The following PLEKHM3 variants were observed in gnomAD, a reference collection of about 807,000 sequenced individuals.
PLEKHM3 encodes pleckstrin homology domain-containing family M member 3.
In PLEKHM3, 45 loss-of-function variants were observed where a neutral mutation model predicts 81.8. That is an observed-to-expected ratio of 0.55 (90% CI 0.43 to 0.71). The LOEUF (loss-of-function observed/expected upper bound fraction) is 0.71. PLEKHM3 is among the 30% of genes least tolerant of loss of function. The pLI, the probability that PLEKHM3 is intolerant of heterozygous loss-of-function variation, is 0.00. For missense variants in PLEKHM3, 788 were observed against 924.3 expected (o/e 0.85, Z 1.91); for synonymous variants, 352 against 356.4 (o/e 0.99, Z 0.14).
intron 5 of PLEKHM3, among the ~76,000 whole-genome samples, chr2:207,924,658 C>T (rs576539576): frequency 6.6e-6 from 1 of 152,220 alleles, no homozygotes; most frequent in African/African-American, 2.4e-5. Flanking sequence ...GCACTCCAAC[C>T]TGGGTGACAG....
chr2:207,943,627 G>C (rs1690016327), intron 4 of PLEKHM3, among the ~76,000 whole-genome samples: 1 of 152,012 alleles, frequency 6.6e-6, no homozygotes, highest in Non-Finnish European at 1.5e-5. Flanking sequence ...CCAGCACTTT[G>C]GGAGGCCGAG....
At chr2:207,889,652 G>T (rs922741932) in intron 6 of PLEKHM3, among the ~76,000 whole-genome samples, 41 of 152,180 alleles carry the variant, frequency 2.7e-4, no homozygotes, top group Non-Finnish European at 5.1e-4. Flanking sequence ...TGGAAGAGGT[G>T]GGGGTGGAAA....
Position 207,931,054 on chromosome 2 carries a change from C to T in PLEKHM3, c.1758G>A (p.Gln586=), listed in dbSNP as rs779836899. ...VYEEPLIDIQ[Q]ENAMLYHHAE... ...CGTGGTGGTACAGCATGGCGTTCTCCTGCTGGATGTCGATGAGCGGCTCTT... is the reference window on the plus strand; with the variant it reads ...CGTGGTGGTACAGCATGGCGTTCTCTTGCTGGATGTCGATGAGCGGCTCTT... The change falls in exon 5 of 8, where the codon CAG becomes CAA. Residue 586 remains glutamine (Q), a synonymous_variant. Transcript: ENST00000427836. The T allele has an allele frequency of 1.2e-6, 2 of 1,614,092 alleles. No homozygotes were observed. The highest frequency in any genetic ancestry group is 1.7e-5 in the Admixed American group (1 of 60,020).
chr2:207,827,982 G>C lies in PLEKHM3; in HGVS notation c.*337C>G. The stretch of plus-strand genomic sequence containing the variant: ...TGTCTTGGGTAATAAAATGTACCGA[G>C]AGACAGAGAGAAAAAAAAAGTCTGA... On this transcript the variant is annotated 3_prime_UTR_variant, in exon 8 of 8. Coordinates refer to ENST00000427836, the MANE Select transcript of PLEKHM3 (RefSeq NM_001080475.3). 6.1e-6 allele frequency: 1 copy of C among 162,802 alleles called. No homozygotes were observed. Among genetic ancestry groups the C allele is most frequent in the African/African-American group, 2.4e-5 (1 of 42,002 alleles). 10.1% of individuals were successfully genotyped at this position (162,802 alleles called of 1,614,324 possible). A position where few individuals can be genotyped will look rare whatever the true frequency, so the allele number is the denominator to read the frequency against.
At chr2:207,834,720 C>T (rs192659791) in intron 7 of PLEKHM3, among the ~76,000 whole-genome samples, 278 of 152,036 alleles carry the variant, frequency 1.8e-3, no homozygotes, top group African/African-American at 6.2e-3. Context: ...CCACCGTGCC[C>T]GGCCTGACTT....
chr2:207,931,082 T>TAC lies in PLEKHM3; in HGVS notation c.1728_1729dup (p.Tyr577CysfsTer33). 1.2e-6 allele frequency: 2 copies of TAC among 1,613,878 alleles called. No individual in the cohort carries two copies. The highest frequency in any genetic ancestry group is 8.5e-7 in the Non-Finnish European group (1 of 1,179,808). ...CTGGATGTCGATGAGCGGCTCTTCG[T>TAC]ACACGTACTCCAGAAACTCCTTGGC... On this transcript the variant is annotated frameshift_variant, in exon 5 of 8. Coordinates refer to ENST00000427836, the MANE Select transcript of PLEKHM3 (RefSeq NM_001080475.3). LOFTEE classifies it high-confidence loss of function.
At chr2:207,894,596 CA>C (rs1340796941) in intron 6 of PLEKHM3, among the ~76,000 whole-genome samples, 3 of 151,898 alleles carry the variant, frequency 2.0e-5, no homozygotes, top group Non-Finnish European at 4.4e-5. Context: ...GTTTTGCTGC[CA>C]GGTGGATTTG....
intron 3 of PLEKHM3, among the ~76,000 whole-genome samples, chr2:207,962,219 G>A (rs988921370): frequency 2.0e-5 from 3 of 152,148 alleles, no homozygotes; most frequent in Non-Finnish European, 4.4e-5. Flanking sequence ...TCCAGGAAGG[G>A]GAAGGAGGCT....
At chr2:207,946,866 C>T (rs572965007) in intron 3 of PLEKHM3, among the ~76,000 whole-genome samples, 2 of 152,300 alleles carry the variant, frequency 1.3e-5, no homozygotes, top group South Asian at 4.1e-4. Context: ...AGGCACTTTG[C>T]TGAAGGCATC....
Position 207,828,187 on chromosome 2 carries a change from T to A in PLEKHM3, c.*132A>T, listed in dbSNP as rs2092263442. 2 of 684,996 alleles carry A rather than the reference T, an allele frequency of 2.9e-6. No individual in the cohort carries two copies. Among genetic ancestry groups the A allele is most frequent in the African/African-American group, 3.7e-5 (2 of 54,500 alleles). 42.4% of individuals were successfully genotyped at this position (684,996 alleles called of 1,614,324 possible). On this transcript the variant is annotated 3_prime_UTR_variant, in exon 8 of 8. Coordinates refer to ENST00000427836, the MANE Select transcript of PLEKHM3 (RefSeq NM_001080475.3). ...AGGTATTTGCGTATATATAAATAAA[T>A]ATATATATCTATATCTAGTTGAAGA...
intron 6 of PLEKHM3, among the ~76,000 whole-genome samples, chr2:207,867,858 A>G (rs1416109759): frequency 6.6e-6 from 1 of 152,156 alleles, no homozygotes; most frequent in Non-Finnish European, 1.5e-5. Context: ...GCCATATTAT[A>G]CAAATACTAG....
chr2:207,884,772 G>A (rs1261884873), intron 6 of PLEKHM3, among the ~76,000 whole-genome samples: 1 of 152,162 alleles, frequency 6.6e-6, no homozygotes, highest in African/African-American at 2.4e-5. Flanking sequence ...TGTTTAAAGA[G>A]TGTCAAAGTG....
chr2:208,021,165 G>T (rs1485978416), intron 1 of PLEKHM3, among the ~76,000 whole-genome samples: 2 of 152,172 alleles, frequency 1.3e-5, no homozygotes, highest in Non-Finnish European at 2.9e-5. Context: ...GTTTTTTAAT[G>T]AAGATGTTAC....
chr2:207,831,662 G>A (rs1398222065), intron 7 of PLEKHM3, among the ~76,000 whole-genome samples: 1 of 152,178 alleles, frequency 6.6e-6, no homozygotes, highest in East Asian at 1.9e-4. Context: ...GGTGACTCTA[G>A]TACCCGTCTC....
chr2:207,939,684 T>C (rs1689871576), intron 4 of PLEKHM3, among the ~76,000 whole-genome samples: 1 of 152,166 alleles, frequency 6.6e-6, no homozygotes, highest in South Asian at 2.1e-4. Flanking sequence ...GTGAAGAAAC[T>C]AAGACTGAGA....
At chr2:207,853,369 A>C (rs2092422650) in intron 7 of PLEKHM3, among the ~76,000 whole-genome samples, 1 of 151,260 alleles carries the variant, frequency 6.6e-6, no homozygotes, top group South Asian at 2.1e-4. Flanking sequence ...GTGAGCTGAG[A>C]TCACGCCATT....
At chr2:207,921,525 T>G (rs1689182963) in intron 5 of PLEKHM3, among the ~76,000 whole-genome samples, 3 of 152,212 alleles carry the variant, frequency 2.0e-5, no homozygotes, top group Admixed American at 1.3e-4. Flanking sequence ...ACATTCAAAA[T>G]GCACTTTTCT....
intron 7 of PLEKHM3, among the ~76,000 whole-genome samples, chr2:207,841,834 A>G (rs1333277877): frequency 6.6e-6 from 1 of 152,114 alleles, no homozygotes; most frequent in African/African-American, 2.4e-5. Flanking sequence ...ACATTTTTAT[A>G]TCTGATAGAA....
intron 6 of PLEKHM3, among the ~76,000 whole-genome samples, chr2:207,865,800 AAAGATATAT>A (rs2092494662): frequency 1.4e-4 from 6 of 44,160 alleles, no homozygotes; most frequent in African/African-American, 9.3e-4. Context: ...AAAAAAAAAA[AAAGATATAT>A]ATATATATAT....
Sources: allele counts gnomAD v4.1 joint callset (sites outside exome capture counted in the v4.1 genomes callset), GRCh38; gene constraint gnomAD v4.1.1; transcripts MANE v1.5; gene names NCBI Gene and HGNC (gene_info 2026-07-23, HGNC 2026-07-21).